ERP29: variants seen among roughly 807,000 people sequenced by gnomAD.
The protein encoded by ERP29 is endoplasmic reticulum protein 29, also known as endoplasmic reticulum resident protein 29.
In ERP29, 14 loss-of-function variants were observed where a neutral mutation model predicts 21.7. The ratio of observed to expected loss-of-function variants is 0.64; its 90% confidence interval spans 0.43 to 1.01. The LOEUF is 1.01. ERP29 is among the 50% of genes least tolerant of loss of function. The pLI is 0.00. For synonymous variants in ERP29, 129 were observed against 139.1 expected, an observed-to-expected ratio of 0.93 and a Z score of 0.51; for missense variants, 286 against 327.3, an observed-to-expected ratio of 0.87 and a Z score of 0.97.
chr12:112,013,682 G>T (rs1426976164), intron 1 of ERP29, 73 bp downstream of exon 1: 9 of 1,437,072 alleles, frequency 6.3e-6, no homozygotes, highest in Non-Finnish European at 8.3e-6. Context: ...GTGGGGAGAC[G>T]CTGGATTCCG....
intron 1 of ERP29, among the ~76,000 whole-genome samples, chr12:112,017,987 G>A (rs990541299): frequency 2.6e-5 from 4 of 151,818 alleles, no homozygotes; most frequent in Non-Finnish European, 2.9e-5. Context: ...GTTTCACCAC[G>A]TTGGCCAGGC....
In ERP29 at chr12:112,015,679, A is replaced by C. The variant is rs2078007641; in HGVS notation, c.144+2070A>C. 2.6e-5 allele frequency among the ~76,000 whole-genome samples: 4 copies of C among 152,136 alleles called. 1 individual carries two copies. The highest frequency in any genetic ancestry group is 2.6e-4 in the Admixed American group (4 of 15,280). ...GGAAACTTTGCGCCATAAAGCTAACAGTGTTTTCTACTATTACCACCCTAG... is the reference window on the plus strand; with the variant it reads ...GGAAACTTTGCGCCATAAAGCTAACCGTGTTTTCTACTATTACCACCCTAG... On this transcript the variant is annotated intron_variant, in intron 1 of 2. Transcript: ENST00000261735.
At chr12:112,022,104 T>G in intron 2 of ERP29, 46 bp from the exon 3 acceptor site, 2 of 1,603,218 alleles carry the variant, frequency 1.2e-6, no homozygotes, top group Admixed American at 1.7e-5. Context: ...TTTTCTGCCC[T>G]GAGTTCCTTA....
chr12:112,015,762 T>TCC (rs1036567160), intron 1 of ERP29, among the ~76,000 whole-genome samples: 3 of 152,204 alleles, frequency 2.0e-5, no homozygotes, highest in African/African-American at 7.2e-5. Context: ...CTCTTGAGTC[T>TCC]CCACACAGTA....
rs1390543503 is a variant in ERP29 at position 112,022,733 on chromosome 12, A to T, written c.*81A>T. 1 of 1,414,926 alleles carries T rather than the reference A, an allele frequency of 7.1e-7. No homozygotes were observed. The highest frequency in any genetic ancestry group is 1.4e-5 in the African/African-American group (1 of 69,892). The allele number at this position is 1,414,926 out of a possible 1,614,324, so 87.6% of individuals were successfully genotyped here. On this transcript the variant is annotated 3_prime_UTR_variant, in exon 3 of 3. Coordinates refer to ENST00000261735, the MANE Select transcript of ERP29 (RefSeq NM_006817.4). Reference sequence around the variant, plus strand: ...CTGCTGGCTGTGAGTCCCTTGTGGAATATAAGGGGGTAGTGGGAAAAGTGG... The same window carrying T: ...CTGCTGGCTGTGAGTCCCTTGTGGATTATAAGGGGGTAGTGGGAAAAGTGG...
rs758389527 is a variant in ERP29 at position 112,022,184 on chromosome 12, G to GA, written c.321dup (p.Tyr108IlefsTer20). ...ACAAGCTGAACATGGAGCTGAGTGA[G>GA]AAATACAAGCTGGACAAAGAGAGCT... On this transcript the variant is annotated frameshift_variant, in exon 3 of 3. Transcript: ENST00000261735. LOFTEE classifies it high-confidence loss of function. 1 of 1,614,196 alleles carries GA rather than the reference G, an allele frequency of 6.2e-7. No homozygotes were observed. The highest frequency in any genetic ancestry group is 8.5e-7 in the Non-Finnish European group (1 of 1,180,022).
In ERP29 at chr12:112,022,550, T is replaced by G; in HGVS notation, c.684T>G (p.Ile228Met). The change falls in exon 3 of 3, where the codon ATT becomes ATG. Residue 228 changes from isoleucine (I) to methionine (M), a missense_variant. By Grantham distance (10) the Ile-to-Met change is conservative (BLOSUM62 1). Coordinates refer to ENST00000261735, the MANE Select transcript of ERP29 (RefSeq NM_006817.4). ...AGATGACACGGATCGCCAGGCTGAT[T>G]GAGAAGAACAAGATGAGTGACGGGA... Reference protein sequence around the residue: ...ASEMTRIARLIEKNKMSDGKK... With the variant: ...ASEMTRIARLMEKNKMSDGKK... The G allele has an allele frequency of 6.2e-7, 1 of 1,614,024 alleles. No individual in the cohort carries two copies. The highest frequency in any genetic ancestry group is 1.1e-5 in the South Asian group (1 of 91,076).
rs2078056922 is a variant in ERP29 at position 112,022,592 on chromosome 12, G to A, written c.726G>A (p.Gln242=). ...KMSDGKKEEL[Q]KSLNILTAFQ... The stretch of plus-strand genomic sequence containing the variant: ...GTGACGGGAAGAAGGAGGAGCTCCA[G>A]AAGAGCTTAAACATCCTGACTGCCT... Residue 242 remains glutamine (Q), a synonymous_variant, in exon 3 of 3, where the codon CAG becomes CAA. Transcript: ENST00000261735. 5 of 1,614,120 alleles carry A rather than the reference G, an allele frequency of 3.1e-6. No homozygotes were observed. The highest frequency in any genetic ancestry group is 2.2e-5 in the South Asian group (2 of 91,072).
intron 1 of ERP29, 53 bp from the exon 2 acceptor site, chr12:112,019,703 T>G: frequency 6.2e-7 from 1 of 1,612,740 alleles, no homozygotes; most frequent in Middle Eastern, 1.7e-4. Context: ...GGAAGGGGAA[T>G]TAGCCCCAAA....
At chr12:112,017,425 A>G (rs755229322) in intron 1 of ERP29, among the ~76,000 whole-genome samples, 1 of 152,226 alleles carries the variant, frequency 6.6e-6, no homozygotes, top group Non-Finnish European at 1.5e-5. Flanking sequence ...CCCCAGTAGC[A>G]GGGGACATTT....
intron 1 of ERP29, among the ~76,000 whole-genome samples, chr12:112,018,442 C>T (rs2078026792): frequency 6.6e-6 from 1 of 152,124 alleles, no homozygotes; most frequent in South Asian, 2.1e-4. Flanking sequence ...TCAGCCTTGA[C>T]ATGATTATTT....
chr12:112,019,883 T>C lies in ERP29; in HGVS notation c.272T>C (p.Val91Ala). Residue 91 changes from valine (V) to alanine (A), a missense_variant, in exon 2 of 3, where the codon GTG becomes GCG. Val to Ala is a moderately conservative substitution (Grantham distance 64, BLOSUM62 0). Coordinates refer to ENST00000261735, the MANE Select transcript of ERP29 (RefSeq NM_006817.4). ...AGCGATGATCTCTTGGTGGCAGAGGTGGGGATCTCAGGTATGGACAAGTCC... is the reference window on the plus strand; with the variant it reads ...AGCGATGATCTCTTGGTGGCAGAGGCGGGGATCTCAGGTATGGACAAGTCC... ...ASSDDLLVAE[V>A]GISDYGDKLN... 6.2e-7 allele frequency: 1 copy of C among 1,613,448 alleles called. No homozygotes were observed. The highest frequency in any genetic ancestry group is 1.7e-5 in the Admixed American group (1 of 59,950).
intron 1 of ERP29, among the ~76,000 whole-genome samples, chr12:112,017,561 G>A (rs1258389259): frequency 6.6e-6 from 1 of 152,148 alleles, no homozygotes; most frequent in African/African-American, 2.4e-5. Flanking sequence ...AGTGAAATAA[G>A]GCCAGTTGGG....
In ERP29 at chr12:112,022,575, A is replaced by T; in HGVS notation, c.709A>T (p.Lys237Ter). ...LIEKNKMSDG[K>*]KEELQKSLNI... ...TGAGAAGAACAAGATGAGTGACGGG[A>T]AGAAGGAGGAGCTCCAGAAGAGCTT... The change falls in exon 3 of 3, where the codon AAG (lysine) becomes TAG (stop). Residue 237 changes from lysine to a stop codon, truncating the protein, a stop_gained. Coordinates refer to ENST00000261735, the MANE Select transcript of ERP29 (RefSeq NM_006817.4). LOFTEE classifies it high-confidence loss of function. The T allele has an allele frequency of 6.2e-7, 1 of 1,614,110 alleles. No individual in the cohort carries two copies. The highest frequency in any genetic ancestry group is 8.5e-7 in the Non-Finnish European group (1 of 1,180,000).
At chr12:112,015,454 C>G (rs1259571799) in intron 1 of ERP29, 1 of 152,308 alleles carries the variant, frequency 6.6e-6, no homozygotes, top group East Asian at 1.9e-4. Context: ...TGCCATGACA[C>G]TCCAGCCTGG....
Position 112,013,511 on chromosome 12 carries a change from C to G in ERP29, c.46C>G (p.Pro16Ala). The change falls in exon 1 of 3, where the codon CCC becomes GCC. Residue 16 changes from proline to alanine, a missense_variant. Physicochemically the swap from Pro to Ala is conservative, Grantham distance 27. Coordinates refer to ENST00000261735, the MANE Select transcript of ERP29 (RefSeq NM_006817.4). ...PRAAFLSPLL[P>A]LLLGFLLLSA... ...CGCCGCATTTCTCTCCCCGCTGCTTCCCCTTCTCCTGGGCTTCCTGCTCCT... is the reference window on the plus strand; with the variant it reads ...CGCCGCATTTCTCTCCCCGCTGCTTGCCCTTCTCCTGGGCTTCCTGCTCCT... 6.2e-7 allele frequency: 1 copy of G among 1,612,656 alleles called. No individual in the cohort carries two copies. Among genetic ancestry groups the G allele is most frequent in the Non-Finnish European group, 8.5e-7 (1 of 1,179,436 alleles).
chr12:112,022,434 A>G lies in ERP29; in HGVS notation c.568A>G (p.Ser190Gly), dbSNP rs1312342367. 1.9e-6 allele frequency: 3 copies of G among 1,614,080 alleles called. No homozygotes were observed. The highest frequency in any genetic ancestry group is 1.7e-6 in the Non-Finnish European group (2 of 1,180,028). ...GAAGCAGGGGCAAGATAACCTCTCA[A>G]GTGTGAAGGAGACTCAGAAGAAGTG... Reference protein sequence around the residue: ...LLKQGQDNLSSVKETQKKWAE... With the variant: ...LLKQGQDNLSGVKETQKKWAE... Residue 190 changes from serine to glycine, a missense_variant, in exon 3 of 3, where the codon AGT becomes GGT. Ser to Gly is a moderately conservative substitution (Grantham distance 56, BLOSUM62 0). Coordinates refer to ENST00000261735, the MANE Select transcript of ERP29 (RefSeq NM_006817.4).
intron 1 of ERP29, 101 bp from the exon 2 acceptor site, chr12:112,019,655 G>T: frequency 7.3e-7 from 1 of 1,360,632 alleles, no homozygotes; most frequent in Non-Finnish European, 1.1e-6. Flanking sequence ...TCCCTTGTGG[G>T]CTTGTTTCCA....
intron 1 of ERP29, chr12:112,014,725 C>T (rs565469723): frequency 6.6e-6 from 1 of 152,362 alleles, no homozygotes; most frequent in East Asian, 1.9e-4. Flanking sequence ...GATGGGCAAG[C>T]TTAGTGTTGC....
Sources: gnomAD v4.1 joint callset for allele counts (sites outside exome capture counted in the v4.1 genomes callset) on GRCh38, gnomAD v4.1.1 for gene constraint, MANE v1.5 for transcripts, NCBI Gene and HGNC (gene_info 2026-07-23, HGNC 2026-07-21) for gene names.